Variants in ROS1 observed in about 807,000 individuals in gnomAD.
ROS1 encodes the protein ROS proto-oncogene 1, receptor tyrosine kinase.
ROS1 carries 263 observed loss-of-function variants against 273.5 expected under a neutral mutation model. The observed-to-expected ratio is 0.96, with a 90% CI of 0.87 to 1.06. The LOEUF (loss-of-function observed/expected upper bound fraction) is 1.06. Ranked by LOEUF, ROS1 falls within the 50% of genes least tolerant of loss-of-function variation. The pLI, the probability that ROS1 is intolerant of heterozygous loss-of-function variation, is 0.00. For missense variants in ROS1, 2,833 were observed against 2,751.1 expected (o/e 1.03, Z -0.67); for synonymous variants, 1,008 against 954.1 (o/e 1.06, Z -1.04).
intron 32 of ROS1, among the ~76,000 whole-genome samples, chr6:117,336,813 TC>T (rs1777514171): frequency 6.6e-6 from 1 of 152,156 alleles, no homozygotes; most frequent in Admixed American, 6.6e-5. Flanking sequence ...TTAATGAACT[TC>T]TTATATTTTT....
intron 17 of ROS1, among the ~76,000 whole-genome samples, chr6:117,380,674 T>C (rs985266285): frequency 6.6e-6 from 1 of 152,084 alleles, no homozygotes; most frequent in Non-Finnish European, 1.5e-5. Context: ...AATTCAGGTG[T>C]TGAGTCATCA....
chr6:117,367,698 G>C (rs1780382731), intron 18 of ROS1, among the ~76,000 whole-genome samples: 1 of 152,160 alleles, frequency 6.6e-6, no homozygotes, highest in Admixed American at 6.5e-5. Context: ...TTAAATGTTT[G>C]ACTTCAGGCA....
At chr6:117,293,513 G>A (rs1385938768) in intron 43 of ROS1, among the ~76,000 whole-genome samples, 3 of 152,124 alleles carry the variant, frequency 2.0e-5, no homozygotes, top group African/African-American at 7.2e-5. Flanking sequence ...ACTGGGGAGT[G>A]AGATAAGGAT....
At chr6:117,410,575 A>G (rs1284430811) in intron 4 of ROS1, among the ~76,000 whole-genome samples, 1 of 152,214 alleles carries the variant, frequency 6.6e-6, no homozygotes, top group African/African-American at 2.4e-5. Flanking sequence ...AACATCAGCT[A>G]CAAAACACAC....
At chr6:117,332,227 A>G (rs1410215573) in intron 32 of ROS1, among the ~76,000 whole-genome samples, 2 of 152,166 alleles carry the variant, frequency 1.3e-5, no homozygotes, top group Admixed American at 1.3e-4. Flanking sequence ...TTAAACCAAC[A>G]AAGATCAAAA....
intron 39 of ROS1, among the ~76,000 whole-genome samples, chr6:117,315,895 A>G (rs915237011): frequency 1.3e-5 from 2 of 152,162 alleles, no homozygotes; most frequent in Non-Finnish European, 2.9e-5. Flanking sequence ...ACTGTTAGCC[A>G]TATTGAGAAA....
intron 27 of ROS1, among the ~76,000 whole-genome samples, chr6:117,345,984 T>C (rs1002678889): frequency 1.3e-5 from 2 of 152,130 alleles, no homozygotes; most frequent in Non-Finnish European, 2.9e-5. Context: ...TTTGAGGACA[T>C]TTGGAAAGTA....
rs1776279723 is a variant in ROS1 at position 117,321,364 on chromosome 6, C to T, written c.5654G>A (p.Ser1885Asn). 4 of 1,612,874 alleles carry T rather than the reference C, an allele frequency of 2.5e-6. No individual in the cohort carries two copies. The highest frequency in any genetic ancestry group is 2.2e-5 in the South Asian group (2 of 90,880). The change falls in exon 36 of 44, where the codon AGT becomes AAT. Residue 1885 changes from serine to asparagine, a missense_variant. Ser to Asn is a conservative substitution (Grantham distance 46, BLOSUM62 1). Transcript: ENST00000368507. ...VWHRRLKNQK[S>N]AKEGVTVLIN... ...AAGCACTGTCACCCCTTCCTTGGCA[C>T]TTTTTTGATTCTTTAATCTTCTATG...
chr6:117,365,442 T>C (rs117376172), intron 20 of ROS1, 139 bp downstream of exon 20: 2 of 812,676 alleles, frequency 2.5e-6, no homozygotes, highest in Non-Finnish European at 4.0e-6. Context: ...TGGGGAATAA[T>C]CTTAATGACC....
At chr6:117,337,378 TAAGAA>T in intron 31 of ROS1, 38 bp from the exon 32 acceptor site, 1 of 1,515,066 alleles carries the variant, frequency 6.6e-7, no homozygotes, top group Non-Finnish European at 9.0e-7. Flanking sequence ...TTTGTTTCTC[TAAGAA>T]AATATTCTTA....
chr6:117,300,385 A>G (rs1415151871), intron 43 of ROS1, among the ~76,000 whole-genome samples: 2 of 152,120 alleles, frequency 1.3e-5, no homozygotes. Context: ...ACATAGCAAC[A>G]TGGACAGACC....
intron 6 of ROS1, 39 bp downstream of exon 6, chr6:117,404,241 A>C (rs1269940880): frequency 2.6e-6 from 4 of 1,555,518 alleles, no homozygotes; most frequent in Non-Finnish European, 2.6e-6. Context: ...AAAAATTGGG[A>C]AGGGGTCTGG....
chr6:117,365,595 T>C lies in ROS1; in HGVS notation c.2944A>G (p.Ser982Gly). ...CAACACCATACCTTAGAATGAGCACTAAATTCTACACTGTAGAAAACTACA... is the reference window on the plus strand; with the variant it reads ...CAACACCATACCTTAGAATGAGCACCAAATTCTACACTGTAGAAAACTACA... ...WGVVFYSVEFSAHSKFLASEQ... is the reference protein window; with the variant it reads ...WGVVFYSVEFGAHSKFLASEQ... The change falls in exon 20 of 44, where the codon AGT becomes GGT. Residue 982 changes from serine to glycine, a missense_variant. Physicochemically the swap from Ser to Gly is moderately conservative, Grantham distance 56. Coordinates refer to ENST00000368507, the MANE Select transcript of ROS1 (RefSeq NM_001378902.1). 1 of 1,613,330 alleles carries C rather than the reference T, an allele frequency of 6.2e-7. No homozygotes were observed. Among genetic ancestry groups the C allele is most frequent in the Non-Finnish European group, 8.5e-7 (1 of 1,179,330 alleles).
chr6:117,309,073 T>C lies in ROS1; in HGVS notation c.6417-145A>G, dbSNP rs143126808. 4.2e-3 allele frequency: 2,895 copies of C among 684,562 alleles called. 50 individuals are homozygous for C. The highest frequency in any genetic ancestry group is 0.015 in the East Asian group (530 of 36,538). The allele number at this position is 684,562 out of a possible 1,614,324, so 42.4% of individuals were successfully genotyped here. ...CCTCATAAAAGGCAAACGGCAGATA[T>C]AAAAGCAGGCTGACAAGAAAAAGTA... On this transcript the variant is annotated intron_variant, in intron 41 of 43. Transcript: ENST00000368507.
intron 2 of ROS1, among the ~76,000 whole-genome samples, chr6:117,418,110 A>G (rs902748683): frequency 5.9e-5 from 9 of 152,252 alleles, no homozygotes; most frequent in Admixed American, 2.0e-4. Flanking sequence ...AAATGAATAC[A>G]TGTGCAGAAC....
chr6:117,385,641 A>G (rs1224532257), intron 16 of ROS1, 42 bp downstream of exon 16: 7 of 1,569,260 alleles, frequency 4.5e-6, no homozygotes, highest in Non-Finnish European at 6.1e-6. Flanking sequence ...GAAGTGGATA[A>G]GTATCATTCT....
chr6:117,292,915 T>C (rs1773944990), intron 43 of ROS1, among the ~76,000 whole-genome samples: 1 of 152,208 alleles, frequency 6.6e-6, no homozygotes, highest in Non-Finnish European at 1.5e-5. Context: ...TTACTTTTCA[T>C]TCCTTACTTT....
chr6:117,341,546 C>G lies in ROS1; in HGVS notation c.4738G>C (p.Gly1580Arg). 6.2e-7 allele frequency: 1 copy of G among 1,613,718 alleles called. No homozygotes were observed. The highest frequency in any genetic ancestry group is 8.5e-7 in the Non-Finnish European group (1 of 1,179,780). ...ISWRESHKPN[G>R]PKESVRYQLA... is the part of the protein sequence containing the mutation. ...TGATAACGGACTGATTCTTTAGGTC[C>G]ATTTGGCTTGTGAGATTCTCTCCAA... The change falls in exon 30 of 44, where the codon GGA becomes CGA. Residue 1580 changes from glycine to arginine, a missense_variant. Coordinates refer to ENST00000368507, the MANE Select transcript of ROS1 (RefSeq NM_001378902.1).
intron 31 of ROS1, among the ~76,000 whole-genome samples, chr6:117,338,178 C>T (rs949912339): frequency 6.6e-6 from 1 of 152,010 alleles, no homozygotes; most frequent in Non-Finnish European, 1.5e-5. Context: ...TGTAGAGTTT[C>T]ATAAAAAGGT....
Sources: allele counts gnomAD v4.1 joint callset (sites outside exome capture counted in the v4.1 genomes callset), GRCh38; gene constraint gnomAD v4.1.1; transcripts MANE v1.5; gene names NCBI Gene and HGNC (gene_info 2026-07-23, HGNC 2026-07-21).